Variants in ANO2 observed in about 807,000 individuals in gnomAD.
The protein encoded by ANO2 is anoctamin-2.
In ANO2, 101 loss-of-function variants were observed where a neutral mutation model predicts 124.2. That is an observed-to-expected ratio of 0.81 (90% CI 0.69 to 0.96). The LOEUF (loss-of-function observed/expected upper bound fraction) is 0.96, where lower values mean the gene tolerates loss of function less well. ANO2 is among the 40% of genes least tolerant of loss of function. The pLI, the probability that ANO2 is intolerant of heterozygous loss-of-function variation, is 0.00. For missense variants in ANO2, 1,293 were observed against 1,274.5 expected (o/e 1.01, Z -0.22); for synonymous variants, 486 against 482.5 (o/e 1.01, Z -0.09).
At chr12:5,625,981 G>A (rs924692244) in intron 16 of ANO2, among the ~76,000 whole-genome samples, 1 of 152,192 alleles carries the variant, frequency 6.6e-6, no homozygotes, top group Non-Finnish European at 1.5e-5. Context: ...ATCAAGCATG[G>A]TGTAAGGGCT....
intron 20 of ANO2, among the ~76,000 whole-genome samples, chr12:5,597,123 G>A (rs535349681): frequency 9.9e-5 from 15 of 152,122 alleles, no homozygotes; most frequent in African/African-American, 3.4e-4. Context: ...TTAAGTTTAG[G>A]GGTGCAAGTG....
intron 4 of ANO2, among the ~76,000 whole-genome samples, chr12:5,837,297 T>TTC (rs1954355324): frequency 7.3e-6 from 1 of 136,886 alleles, no homozygotes; most frequent in Admixed American, 7.8e-5. Flanking sequence ...AGATTTCTTT[T>TTC]TTTTTTTTTT....
intron 16 of ANO2, among the ~76,000 whole-genome samples, chr12:5,622,800 C>T (rs1399103271): frequency 2.0e-5 from 3 of 151,890 alleles, no homozygotes; most frequent in African/African-American, 7.3e-5. Flanking sequence ...TCTGTCTCTA[C>T]TACAAATACA....
At chr12:5,822,096 G>A (rs980887960) in intron 7 of ANO2, among the ~76,000 whole-genome samples, 1 of 152,170 alleles carries the variant, frequency 6.6e-6, no homozygotes, top group Non-Finnish European at 1.5e-5. Flanking sequence ...ACATCCCTAA[G>A]GACAGCAGTG....
intron 3 of ANO2, among the ~76,000 whole-genome samples, chr12:5,896,133 G>C (rs11614477): frequency 0.15 from 23,531 of 151,950 alleles, 2,287 homozygotes; most frequent in East Asian, 0.27. Flanking sequence ...GACTGGAAGG[G>C]GGGTGAGGTA....
At chr12:5,835,963 A>G (rs568189017) in intron 4 of ANO2, among the ~76,000 whole-genome samples, 58 of 152,292 alleles carry the variant, frequency 3.8e-4, no homozygotes, top group Admixed American at 3.7e-3. Context: ...GGAGTTCACC[A>G]TACCATACCC....
intron 14 of ANO2, among the ~76,000 whole-genome samples, chr12:5,665,864 A>AC (rs1314739309): frequency 2.6e-5 from 4 of 151,398 alleles, no homozygotes; most frequent in Non-Finnish European, 5.9e-5. Context: ...GTACAGAGCC[A>AC]CCCCCCTGTG....
chr12:5,575,971 C>A lies in ANO2; in HGVS notation c.2484G>T (p.Val828=), dbSNP rs748674704. 1 of 1,612,452 alleles carries A rather than the reference C, an allele frequency of 6.2e-7. No individual in the cohort carries two copies. Among genetic ancestry groups the A allele is most frequent in the Non-Finnish European group, 8.5e-7 (1 of 1,179,260 alleles). Residue 828 remains valine (V), a synonymous_variant, in exon 23 of 25, where the codon GTG becomes GTT. Coordinates refer to ENST00000682330, the MANE Select transcript of ANO2 (RefSeq NM_001364791.2). ...AITSDFIPRL[V]YQYSYSHNGT... ...CATTGTGACTGTAGGAGTACTGGTA[C>A]ACCAGGCGGGGGATAAAGTCGGAGG...
At chr12:5,576,664 A>T (rs553829435) in intron 22 of ANO2, among the ~76,000 whole-genome samples, 36 of 152,368 alleles carry the variant, frequency 2.4e-4, no homozygotes, top group African/African-American at 8.2e-4. Flanking sequence ...ATAAATGTCC[A>T]TGGAGCAAAC....
At chr12:5,704,582 A>G (rs1949531808) in intron 14 of ANO2, among the ~76,000 whole-genome samples, 1 of 152,156 alleles carries the variant, frequency 6.6e-6, no homozygotes, top group South Asian at 2.1e-4. Context: ...CAGTTAAAAA[A>G]GTTCTTCCCC....
intron 7 of ANO2, among the ~76,000 whole-genome samples, chr12:5,824,868 A>G (rs1448043276): frequency 6.6e-6 from 1 of 152,144 alleles, no homozygotes; most frequent in African/African-American, 2.4e-5. Context: ...GGTGGCAGCA[A>G]GAGAGAATGA....
At chr12:5,881,806 T>C (rs1033138805) in intron 3 of ANO2, 1 of 152,240 alleles carries the variant, frequency 6.6e-6, no homozygotes, top group African/African-American at 2.4e-5. Context: ...GTTCCTTTGT[T>C]AAACAAACAA....
intron 14 of ANO2, among the ~76,000 whole-genome samples, chr12:5,729,385 A>T (rs181070003): frequency 5.9e-5 from 9 of 152,336 alleles, no homozygotes; most frequent in African/African-American, 1.9e-4. Flanking sequence ...GAAGACATGC[A>T]AATGACCATT....
intron 18 of ANO2, 65 bp from the exon 19 acceptor site, chr12:5,612,821 G>T (rs781759314): frequency 3.1e-6 from 5 of 1,606,770 alleles, no homozygotes; most frequent in Non-Finnish European, 4.3e-6. Flanking sequence ...GCAGGGGCGC[G>T]AATGAAGCCA....
In ANO2 at chr12:5,900,338, G is replaced by A. The variant is rs559672806; in HGVS notation, c.534+20702C>T. ...ACATGGTTGTTTGGATCAGGCATCC[G>A]TTTCTGAGCCCCTCCTAGTCACGAG... On this transcript the variant is annotated intron_variant, in intron 3 of 24. Transcript: ENST00000682330. This position sits in a 1 kb window ranked among gnomAD's most constrained non-coding sequence, Gnocchi z 4.2. 2.0e-5 allele frequency among the ~76,000 whole-genome samples: 3 copies of A among 152,194 alleles called. No individual in the cohort carries two copies. The highest frequency in any genetic ancestry group is 6.5e-5 in the Admixed American group (1 of 15,282).
chr12:5,910,224 G>C (rs1392269013), intron 3 of ANO2, among the ~76,000 whole-genome samples: 1 of 152,190 alleles, frequency 6.6e-6, no homozygotes, highest in Non-Finnish European at 1.5e-5. Context: ...CTGTCACCCA[G>C]GCTGGAGTGC....
At chr12:5,688,219 A>G (rs1354399977) in intron 14 of ANO2, among the ~76,000 whole-genome samples, 3 of 152,182 alleles carry the variant, frequency 2.0e-5, no homozygotes, top group Non-Finnish European at 4.4e-5. Flanking sequence ...GAGCTCACCC[A>G]TTCTCTTGGG....
At chr12:5,765,026 C>T (rs1951845631) in intron 10 of ANO2, among the ~76,000 whole-genome samples, 1 of 152,126 alleles carries the variant, frequency 6.6e-6, no homozygotes, top group South Asian at 2.1e-4. Flanking sequence ...TCTGTCTACC[C>T]ATAAAAATGC....
intron 14 of ANO2, among the ~76,000 whole-genome samples, chr12:5,717,570 G>A (rs1246151479): frequency 6.6e-6 from 1 of 152,162 alleles, no homozygotes; most frequent in African/African-American, 2.4e-5. Flanking sequence ...TTAACATCCT[G>A]AGCTTACCCT....
Sources: allele counts gnomAD v4.1 joint callset (sites outside exome capture counted in the v4.1 genomes callset), GRCh38; gene constraint gnomAD v4.1.1; non-coding constraint Gnocchi (gnomAD v3.1); transcripts MANE v1.5; gene names NCBI Gene and HGNC (gene_info 2026-07-23, HGNC 2026-07-21).